The following FRMD6 variants were observed in gnomAD, a reference collection of about 807,000 sequenced individuals.
FRMD6 encodes the protein FERM domain containing 6, also known as FERM domain-containing protein 6.
A neutral mutation model predicts 73.2 loss-of-function variants in FRMD6; 37 were observed. The observed-to-expected ratio is 0.51, with a 90% confidence interval of 0.39 to 0.66. The LOEUF is 0.66. FRMD6 is among the 30% of genes least tolerant of loss of function. The probability of loss-of-function intolerance (pLI) is 0.00; values close to 1 mark genes in which losing one functional copy is unlikely to be tolerated. For synonymous variants in FRMD6, 273 were observed against 282.2 expected (o/e 0.97, Z 0.33); for missense variants, 714 against 780.5 (o/e 0.91, Z 1.02).
the FRMD6 span, among the ~76,000 whole-genome samples, chr14:51,429,052 G>A: frequency 8.5e-6 from 1 of 118,214 alleles, no homozygotes; most frequent in East Asian, 2.6e-4. Context: ...GAAAAGGGAA[G>A]AGAAGAGGAG....
At chr14:51,465,206 T>G in the FRMD6 span, among the ~76,000 whole-genome samples, 1 of 152,358 alleles carries the variant, frequency 6.6e-6, no homozygotes, top group South Asian at 2.1e-4. Flanking sequence ...AATGCTATTT[T>G]TAGGTTTACT....
the FRMD6 span, among the ~76,000 whole-genome samples, chr14:51,451,185 GA>G: frequency 3.4e-4 from 52 of 152,134 alleles, 1 homozygote; most frequent in Non-Finnish European, 6.5e-4. Context: ...CTCAATGCAT[GA>G]CACAGGTGAG....
chr14:51,462,607 ATG>A, the FRMD6 span, among the ~76,000 whole-genome samples: 5 of 152,174 alleles, frequency 3.3e-5, no homozygotes, highest in Non-Finnish European at 4.4e-5. Context: ...ATATTAGTGT[ATG>A]TGTCTCCAGA....
chr14:51,657,639 T>TG (rs1892929486), intron 1 of FRMD6, among the ~76,000 whole-genome samples: 2 of 152,326 alleles, frequency 1.3e-5, no homozygotes, highest in South Asian at 4.1e-4. Context: ...ACATGGTAGG[T>TG]GACCTTTTGA....
intron 1 of FRMD6, among the ~76,000 whole-genome samples, chr14:51,557,259 TATA>T (rs1887187831): frequency 6.6e-6 from 1 of 151,916 alleles, no homozygotes; most frequent in Non-Finnish European, 1.5e-5. Context: ...TATATATATA[TATA>T]TATATACACA....
At chr14:51,713,567 G>A (rs1480884828) in intron 9 of FRMD6, 1 of 151,952 alleles carries the variant, frequency 6.6e-6, no homozygotes, top group Non-Finnish European at 1.5e-5. Flanking sequence ...TCTCCTGTAA[G>A]AAAGATGGCC....
At chr14:51,459,932 G>T in the FRMD6 span, among the ~76,000 whole-genome samples, 1 of 103,076 alleles carries the variant, frequency 9.7e-6, no homozygotes, top group Admixed American at 1.4e-4. Context: ...CTAATCTTTT[G>T]GCCTTCCTGA....
upstream of FRMD6, among the ~76,000 whole-genome samples, chr14:51,648,485 A>G (rs1277536366): frequency 6.6e-5 from 10 of 152,230 alleles, no homozygotes. Context: ...TGCCTGAGAC[A>G]CAGGCATCAA....
At position 51,693,933 on chromosome 14, in the gene FRMD6, A is replaced by G. The variant is rs138543370; in HGVS notation, c.99+3998A>G. ...TGCCAAGAGGCCCTCCCTTTTTACA[A>G]AGTGTTATCTTTGTGTTCAGAAAAT... On this transcript the variant is annotated intron_variant, in intron 2 of 13. Transcript: ENST00000344768. Among the ~76,000 whole-genome samples the G allele has an allele frequency of 5.8e-4, 89 of 152,296 alleles. 2 individuals carry two copies. The East Asian group carries it at 0.014, about 24-fold the overall frequency.
intron 2 of FRMD6, among the ~76,000 whole-genome samples, chr14:51,601,686 A>C (rs1011539354): frequency 6.6e-6 from 1 of 152,224 alleles, no homozygotes. Context: ...CAACTGGATA[A>C]AAGGCTTAAG....
chr14:51,549,712 C>T (rs1886695465), intron 1 of FRMD6, among the ~76,000 whole-genome samples: 2 of 149,576 alleles, frequency 1.3e-5, no homozygotes, highest in Non-Finnish European at 3.0e-5. Context: ...TCTCCTGCCT[C>T]AGCCTCCCGA....
intron 1 of FRMD6, among the ~76,000 whole-genome samples, chr14:51,568,179 T>A (rs937230459): frequency 4.6e-5 from 7 of 152,378 alleles, no homozygotes; most frequent in South Asian, 2.1e-4. Context: ...ATGGAGGTGA[T>A]GTTGTTCCTT....
At chr14:51,626,087 G>T (rs1891102910) in intron 2 of FRMD6, among the ~76,000 whole-genome samples, 1 of 152,192 alleles carries the variant, frequency 6.6e-6, no homozygotes, top group Non-Finnish European at 1.5e-5. Flanking sequence ...CCTGGAAATA[G>T]AGTCATAGAA....
chr14:51,453,234 A>T, the FRMD6 span, among the ~76,000 whole-genome samples: 1 of 152,036 alleles, frequency 6.6e-6, no homozygotes, highest in Non-Finnish European at 1.5e-5. Context: ...AAATGATAAG[A>T]GATGGATTCA....
chr14:51,456,234 G>A, the FRMD6 span, among the ~76,000 whole-genome samples: 3 of 152,072 alleles, frequency 2.0e-5, no homozygotes, highest in Non-Finnish European at 4.4e-5. Context: ...CATGTGCCAT[G>A]GTGGTTTGTT....
At chr14:51,428,499 T>C in the FRMD6 span, among the ~76,000 whole-genome samples, 1 of 152,202 alleles carries the variant, frequency 6.6e-6, no homozygotes, top group Non-Finnish European at 1.5e-5. Flanking sequence ...GAAGAGGAAC[T>C]GTATTTAAAG....
chr14:51,406,327 T>C, the FRMD6 span, among the ~76,000 whole-genome samples: 3 of 152,094 alleles, frequency 2.0e-5, no homozygotes, highest in Non-Finnish European at 4.4e-5. Flanking sequence ...TTTGGTTCCT[T>C]AAGAATTTTT....
chr14:51,688,364 A>C (rs1223490319), intron 1 of FRMD6, among the ~76,000 whole-genome samples: 1 of 152,204 alleles, frequency 6.6e-6, no homozygotes, highest in Non-Finnish European at 1.5e-5. Context: ...TTTAGTTTCG[A>C]GTAATTCCCT....
the FRMD6 span, among the ~76,000 whole-genome samples, chr14:51,404,287 T>A: frequency 6.6e-6 from 1 of 152,188 alleles, no homozygotes; most frequent in Non-Finnish European, 1.5e-5. Flanking sequence ...TTCTGAATAT[T>A]AAAAGTATGT....
Sources: allele counts gnomAD v4.1 joint callset (sites outside exome capture counted in the v4.1 genomes callset), GRCh38; gene constraint gnomAD v4.1.1; transcripts MANE v1.5; gene names NCBI Gene and HGNC (gene_info 2026-07-23, HGNC 2026-07-21).